NPAS2: variants seen among roughly 807,000 people sequenced by gnomAD.
NPAS2 encodes the protein neuronal PAS domain-containing protein 2.
Under a neutral mutation model 107.5 loss-of-function variants are expected in NPAS2, and 23 were observed. The observed-to-expected ratio is 0.21, with a 90% CI of 0.15 to 0.30. The LOEUF (loss-of-function observed/expected upper bound fraction) is 0.30, where lower values mean the gene tolerates loss of function less well. Among genes scored for constraint, NPAS2 ranks in the 10% least tolerant of loss-of-function variants. NPAS2 has a pLI of 1.00. For missense variants in NPAS2, 756 were observed against 1,043.3 expected, an observed-to-expected ratio of 0.72 and a Z score of 3.79; for synonymous variants, 403 against 417.5, an observed-to-expected ratio of 0.97 and a Z score of 0.42.
intron 5 of NPAS2, among the ~76,000 whole-genome samples, chr2:100,947,928 G>A (rs1469076408): frequency 6.6e-6 from 1 of 152,226 alleles, no homozygotes; most frequent in Non-Finnish European, 1.5e-5. Context: ...CAAAACGCAG[G>A]AGTGTCAGCA....
chr2:100,991,227 C>T (rs985874600), intron 19 of NPAS2, among the ~76,000 whole-genome samples: 1 of 152,096 alleles, frequency 6.6e-6, no homozygotes, highest in African/African-American at 2.4e-5. Flanking sequence ...GCTGACATGC[C>T]GCAGGCACAC....
chr2:100,979,606 T>G (rs1031947010), intron 15 of NPAS2, among the ~76,000 whole-genome samples: 9 of 147,994 alleles, frequency 6.1e-5, no homozygotes, highest in Admixed American at 2.7e-4. Flanking sequence ...CTCCACCTCC[T>G]GGGTTCCAGC....
chr2:100,968,605 G>A lies in NPAS2; in HGVS notation c.1055+177G>A, dbSNP rs949636872. Among the ~76,000 whole-genome samples the A allele has an allele frequency of 2.0e-5, 3 of 152,088 alleles. No individual in the cohort carries two copies. The highest frequency in any genetic ancestry group is 1.9e-4 in the East Asian group (1 of 5,180). On this transcript the variant is annotated intron_variant, in intron 11 of 20. Transcript: ENST00000335681. This position sits in a 1 kb window ranked among gnomAD's most constrained non-coding sequence, Gnocchi z 5.3. ...CAGCACAATTCCCAGAGCTCAGCTC[G>A]CTTCCAGGCACCACTGGCTCTGCCC...
chr2:100,885,494 T>C (rs1326675835), intron 1 of NPAS2, among the ~76,000 whole-genome samples: 1 of 152,206 alleles, frequency 6.6e-6, no homozygotes, highest in Non-Finnish European at 1.5e-5. Flanking sequence ...TCCAAAGATC[T>C]GATAGTTTTT....
intron 7 of NPAS2, among the ~76,000 whole-genome samples, chr2:100,957,395 C>A (rs1242236097): frequency 6.6e-6 from 1 of 152,242 alleles, no homozygotes; most frequent in Non-Finnish European, 1.5e-5. Flanking sequence ...TTCCTCTAAT[C>A]AACTGTTTCC....
Position 100,913,296 on chromosome 2 carries a change from C to T in NPAS2, c.32+8510C>T, listed in dbSNP as rs943664257. Among the ~76,000 whole-genome samples the T allele has an allele frequency of 2.6e-5, 4 of 152,174 alleles. No individual in the cohort carries two copies. The East Asian group carries it at 5.8e-4, about 22-fold the overall frequency. On this transcript the variant is annotated intron_variant, in intron 2 of 20. Transcript: ENST00000335681. ...CTGCTAGTGCTCCCTTCACCAGTTCCGAACATAGCTTTCCAACTTGATTGG... is the reference window on the plus strand; with the variant it reads ...CTGCTAGTGCTCCCTTCACCAGTTCTGAACATAGCTTTCCAACTTGATTGG...
intron 1 of NPAS2, among the ~76,000 whole-genome samples, chr2:100,832,647 A>G (rs1005481840): frequency 1.3e-5 from 2 of 152,052 alleles, no homozygotes; most frequent in Non-Finnish European, 2.9e-5. Context: ...CATTCTCCCC[A>G]GAAGAACGTT....
intron 1 of NPAS2, among the ~76,000 whole-genome samples, chr2:100,863,751 T>G (rs1380607516): frequency 3.3e-5 from 5 of 152,196 alleles, no homozygotes; most frequent in African/African-American, 1.2e-4. Flanking sequence ...TCTTTGCCAT[T>G]TTGACCATTC....
At chr2:100,849,202 G>C (rs2104461256) in intron 1 of NPAS2, among the ~76,000 whole-genome samples, 1 of 152,350 alleles carries the variant, frequency 6.6e-6, no homozygotes, top group East Asian at 1.9e-4. Context: ...TCTAAAGTCA[G>C]CTCTCTCTTC....
intron 1 of NPAS2, among the ~76,000 whole-genome samples, chr2:100,889,731 C>A (rs1680932078): frequency 6.6e-6 from 1 of 152,162 alleles, no homozygotes; most frequent in Non-Finnish European, 1.5e-5. Flanking sequence ...GCTGGGCCTG[C>A]ATCCAACACA....
intron 5 of NPAS2, among the ~76,000 whole-genome samples, chr2:100,940,390 T>G (rs533864607): frequency 6.6e-6 from 1 of 152,352 alleles, no homozygotes; most frequent in African/African-American, 2.4e-5. Context: ...AACTATTAAA[T>G]ATCACTCCTT....
chr2:100,984,763 T>C (rs1677679357), intron 16 of NPAS2: 1 of 152,028 alleles, frequency 6.6e-6, no homozygotes. Flanking sequence ...CAGGAACCAG[T>C]CCCCCACCCA....
At chr2:100,896,565 CA>C (rs1178948934) in intron 1 of NPAS2, among the ~76,000 whole-genome samples, 1 of 152,224 alleles carries the variant, frequency 6.6e-6, no homozygotes, top group Non-Finnish European at 1.5e-5. Context: ...GTGAGGGACC[CA>C]TTGGGCCTTC....
chr2:100,937,957 G>T, intron 5 of NPAS2, 115 bp downstream of exon 5: 1 of 870,834 alleles, frequency 1.1e-6, no homozygotes, highest in Admixed American at 1.7e-5. Flanking sequence ...GTGAGAAGAG[G>T]GCGGAGAGTA....
intron 1 of NPAS2, among the ~76,000 whole-genome samples, chr2:100,890,877 G>GGA (rs1170060822): frequency 2.0e-5 from 3 of 152,106 alleles, no homozygotes; most frequent in South Asian, 2.1e-4. Flanking sequence ...GTGGTGGGCA[G>GGA]GAGACCCCTG....
At chr2:100,908,246 C>T (rs1682296307) in intron 2 of NPAS2, among the ~76,000 whole-genome samples, 1 of 152,110 alleles carries the variant, frequency 6.6e-6, no homozygotes, top group South Asian at 2.1e-4. Context: ...TTAAATGTAG[C>T]TGCGTCTGAT....
intron 1 of NPAS2, among the ~76,000 whole-genome samples, chr2:100,898,713 C>T (rs1437648308): frequency 6.6e-6 from 1 of 150,836 alleles, no homozygotes; most frequent in Non-Finnish European, 1.5e-5. Flanking sequence ...TCCAAAAGTA[C>T]AGGCAAAAAT....
intron 14 of NPAS2, 62 bp from the exon 15 acceptor site, chr2:100,977,648 C>A (rs1439113824): frequency 6.2e-6 from 9 of 1,446,790 alleles, no homozygotes; most frequent in Non-Finnish European, 7.8e-6. Flanking sequence ...GACCAAGAGA[C>A]CACATCCCTG....
At chr2:100,833,665 C>A (rs543309115) in intron 1 of NPAS2, among the ~76,000 whole-genome samples, 1 of 152,288 alleles carries the variant, frequency 6.6e-6, no homozygotes, top group Middle Eastern at 3.4e-3. Context: ...CCCTGATAAC[C>A]TTTTGTGTCT....
Sources: gnomAD v4.1 joint callset for allele counts (sites outside exome capture counted in the v4.1 genomes callset) on GRCh38, gnomAD v4.1.1 for gene constraint, Gnocchi (gnomAD v3.1) non-coding constraint, MANE v1.5 for transcripts, NCBI Gene and HGNC (gene_info 2026-07-23, HGNC 2026-07-21) for gene names.